Variants in PDE4B observed in about 807,000 individuals in gnomAD.
PDE4B encodes 3',5'-cyclic-AMP phosphodiesterase 4B.
A neutral mutation model predicts 82.2 loss-of-function variants in PDE4B; 20 were observed. The ratio of observed to expected loss-of-function variants is 0.24; its 90% confidence interval spans 0.17 to 0.35. The LOEUF is 0.35. Among genes scored for constraint, PDE4B ranks in the 10% least tolerant of loss-of-function variants. The pLI, the probability that PDE4B is intolerant of heterozygous loss-of-function variation, is 1.00. For synonymous variants in PDE4B, 320 were observed against 318.9 expected, an observed-to-expected ratio of 1.00 and a Z score of -0.04; for missense variants, 655 against 907.2, an observed-to-expected ratio of 0.72 and a Z score of 3.57.
chr1:66,070,141 A>G (rs559930362), intron 3 of PDE4B, among the ~76,000 whole-genome samples: 15 of 152,184 alleles, frequency 9.9e-5, no homozygotes, highest in Non-Finnish European at 2.2e-4. Context: ...CTTTTTGGGC[A>G]AGTGCCACCA....
At chr1:65,961,840 A>G (rs184124060) in intron 3 of PDE4B, among the ~76,000 whole-genome samples, 18 of 152,296 alleles carry the variant, frequency 1.2e-4, no homozygotes, top group Non-Finnish European at 2.4e-4. Flanking sequence ...GAGTGGAGAG[A>G]GAATTTCCTG....
intron 3 of PDE4B, among the ~76,000 whole-genome samples, chr1:66,051,912 T>C (rs1655048976): frequency 6.6e-6 from 1 of 152,192 alleles, no homozygotes; most frequent in African/African-American, 2.4e-5. Context: ...TCCAAAGTCA[T>C]ACTATTCACT....
intron 3 of PDE4B, among the ~76,000 whole-genome samples, chr1:65,927,153 CA>C: frequency 1.3e-5 from 1 of 76,920 alleles, no homozygotes; most frequent in Non-Finnish European, 2.8e-5. Flanking sequence ...ATATAGGGCA[CA>C]GATCTACACA....
At chr1:66,043,171 C>G (rs576539668) in intron 3 of PDE4B, among the ~76,000 whole-genome samples, 1 of 151,790 alleles carries the variant, frequency 6.6e-6, no homozygotes, top group South Asian at 2.1e-4. Flanking sequence ...AAGTTTGAGC[C>G]TTTTAACAAT....
intron 3 of PDE4B, among the ~76,000 whole-genome samples, chr1:66,051,407 C>T (rs1406058104): frequency 6.6e-6 from 1 of 151,940 alleles, no homozygotes; most frequent in Non-Finnish European, 1.5e-5. Context: ...AAACCCTGCT[C>T]CATGGAGTGA....
intron 1 of PDE4B, among the ~76,000 whole-genome samples, chr1:65,820,372 T>C (rs1645939140): frequency 6.6e-6 from 1 of 152,248 alleles, no homozygotes; most frequent in Non-Finnish European, 1.5e-5. Context: ...GTAGGTTAGA[T>C]AGGCACTTTT....
intron 8 of PDE4B, chr1:66,354,298 G>T (rs1319483836): frequency 1.5e-6 from 1 of 667,418 alleles, no homozygotes; most frequent in Non-Finnish European, 1.9e-6. Flanking sequence ...GTCTGCAGTG[G>T]AGAGAGAGGG....
intron 7 of PDE4B, among the ~76,000 whole-genome samples, chr1:66,312,011 T>G (rs1440591837): frequency 6.6e-6 from 1 of 152,198 alleles, no homozygotes; most frequent in Non-Finnish European, 1.5e-5. Context: ...AACACGGATA[T>G]AGAGAAATTC....
chr1:66,183,810 G>C (rs1290352913), intron 3 of PDE4B, among the ~76,000 whole-genome samples: 1 of 152,134 alleles, frequency 6.6e-6, no homozygotes, highest in Non-Finnish European at 1.5e-5. Flanking sequence ...AGTGAGCTTA[G>C]AGAACTGAGG....
At chr1:66,140,317 G>T (rs1646146755) in intron 3 of PDE4B, among the ~76,000 whole-genome samples, 1 of 152,144 alleles carries the variant, frequency 6.6e-6, no homozygotes, top group Admixed American at 6.6e-5. Context: ...ACCAGGAAAG[G>T]TCAGCAAAGC....
intron 1 of PDE4B, among the ~76,000 whole-genome samples, chr1:65,804,199 T>C: frequency 6.6e-6 from 1 of 152,168 alleles, no homozygotes; most frequent in East Asian, 1.9e-4. Flanking sequence ...TGATGAGTGT[T>C]TACATGAAAT....
chr1:66,089,844 G>A (rs1266609760), intron 3 of PDE4B, among the ~76,000 whole-genome samples: 2 of 151,928 alleles, frequency 1.3e-5, no homozygotes, highest in African/African-American at 4.8e-5. Flanking sequence ...CTGTCATTAT[G>A]CTATTATAGA....
intron 3 of PDE4B, among the ~76,000 whole-genome samples, chr1:66,197,445 G>A (rs764219419): frequency 2.6e-5 from 4 of 151,926 alleles, no homozygotes; most frequent in Non-Finnish European, 5.9e-5. Context: ...TATTATTAGA[G>A]GGAGCAAAAA....
chr1:65,931,263 A>G (rs1229389660), intron 3 of PDE4B, among the ~76,000 whole-genome samples: 1 of 152,198 alleles, frequency 6.6e-6, no homozygotes, highest in Non-Finnish European at 1.5e-5. Flanking sequence ...CTGCAGAACA[A>G]TGAGCGAATT....
chr1:65,880,261 AG>A (rs1441431414), intron 1 of PDE4B, among the ~76,000 whole-genome samples: 1 of 152,202 alleles, frequency 6.6e-6, no homozygotes, highest in Non-Finnish European at 1.5e-5. Context: ...AATTTAGACA[AG>A]GGTGATTCAT....
At chr1:65,916,663 G>T (rs1295046035) in intron 2 of PDE4B, among the ~76,000 whole-genome samples, 1 of 151,762 alleles carries the variant, frequency 6.6e-6, no homozygotes, top group Non-Finnish European at 1.5e-5. Flanking sequence ...TATATATTTT[G>T]TCTCCTAAAG....
At chr1:66,173,656 C>T (rs1646880272) in intron 3 of PDE4B, among the ~76,000 whole-genome samples, 1 of 152,164 alleles carries the variant, frequency 6.6e-6, no homozygotes, top group African/African-American at 2.4e-5. Flanking sequence ...GGCTTGGAAG[C>T]CTGCCTAGAG....
At chr1:66,002,201 TAC>T (rs4071566) in intron 3 of PDE4B, among the ~76,000 whole-genome samples, 14,426 of 152,200 alleles carry the variant, frequency 0.095, 840 homozygotes, top group Admixed American at 0.18. Flanking sequence ...AGTGGTAACT[TAC>T]TGTGATTTTA....
intron 3 of PDE4B, among the ~76,000 whole-genome samples, chr1:65,956,623 T>G (rs1649273647): frequency 6.6e-6 from 1 of 152,150 alleles, no homozygotes; most frequent in African/African-American, 2.4e-5. Context: ...AAACTTCCAG[T>G]AAATGTTCGC....
Sources: gnomAD v4.1 joint callset for allele counts (sites outside exome capture counted in the v4.1 genomes callset) on GRCh38, gnomAD v4.1.1 for gene constraint, MANE v1.5 for transcripts, NCBI Gene and HGNC (gene_info 2026-07-23, HGNC 2026-07-21) for gene names.